MOSMO: variants seen among roughly 807,000 people sequenced by gnomAD.
MOSMO encodes modulator of smoothened protein.
A neutral mutation model predicts 18.4 loss-of-function variants in MOSMO; 5 were observed. That is an observed-to-expected ratio of 0.27 (90% CI 0.14 to 0.57). The LOEUF is 0.57. MOSMO is among the 20% of genes least tolerant of loss of function. The pLI is 0.92. For synonymous variants in MOSMO, 82 were observed against 82.3 expected (o/e 1.00, Z 0.02); for missense variants, 138 against 211.8 (o/e 0.65, Z 2.16).
downstream of MOSMO, chr16:22,090,395 CTT>C (rs1471100568): frequency 1.3e-5 from 2 of 152,088 alleles, no homozygotes; most frequent in Non-Finnish European, 2.9e-5. Context: ...GTTTCTATCT[CTT>C]TTAACTGAAA....
intron 1 of MOSMO, among the ~76,000 whole-genome samples, chr16:22,048,824 A>T (rs1156689145): frequency 1.3e-5 from 2 of 151,802 alleles, no homozygotes; most frequent in Non-Finnish European, 2.9e-5. Flanking sequence ...CCACGTTTAT[A>T]GTTCTCTTTT....
At chr16:22,041,237 G>C (rs1900204315) in intron 1 of MOSMO, among the ~76,000 whole-genome samples, 1 of 152,178 alleles carries the variant, frequency 6.6e-6, no homozygotes, top group South Asian at 2.1e-4. Flanking sequence ...AGACACTGTG[G>C]TGATCTGAGG....
At chr16:22,011,426 T>C (rs886944024) in intron 1 of MOSMO, among the ~76,000 whole-genome samples, 7 of 152,246 alleles carry the variant, frequency 4.6e-5, no homozygotes, top group African/African-American at 1.4e-4. Context: ...CAAAGTATTG[T>C]AATGATGGCT....
chr16:22,012,536 G>C (rs1218953580), intron 1 of MOSMO, among the ~76,000 whole-genome samples: 1 of 152,112 alleles, frequency 6.6e-6, no homozygotes, highest in African/African-American at 2.4e-5. Context: ...CCAGAACTGT[G>C]AGAAATGATG....
At chr16:22,018,919 T>C (rs1425102411) in intron 1 of MOSMO, among the ~76,000 whole-genome samples, 2 of 152,230 alleles carry the variant, frequency 1.3e-5, no homozygotes, top group Non-Finnish European at 2.9e-5. Flanking sequence ...TTTCTCTGTA[T>C]TGCAACTTAC....
chr16:22,078,245 T>G (rs1217095034), intron 2 of MOSMO, among the ~76,000 whole-genome samples: 1 of 152,140 alleles, frequency 6.6e-6, no homozygotes, highest in Non-Finnish European at 1.5e-5. Flanking sequence ...CAAACTTATT[T>G]AGGATCCAAA....
In MOSMO at chr16:22,052,422, G is replaced by A. The variant is rs887550373; in HGVS notation, c.107-23065G>A. ...ACACTGCTGGGAGAAAAGTGAATTC[G>A]GACATAACCCCTTTGGAAAACAATT... On this transcript the variant is annotated intron_variant, in intron 1 of 2. Coordinates refer to ENST00000542527, the MANE Select transcript of MOSMO (RefSeq NM_001164579.2). Among the ~76,000 whole-genome samples, 5 of 152,224 alleles carry A rather than the reference G, an allele frequency of 3.3e-5. No homozygotes were observed. The South Asian group carries it at 1.0e-3, about 32-fold the overall frequency.
chr16:22,030,026 T>G (rs910892404), intron 1 of MOSMO, among the ~76,000 whole-genome samples: 1 of 152,214 alleles, frequency 6.6e-6, no homozygotes, highest in Non-Finnish European at 1.5e-5. Context: ...CATAAATTCA[T>G]GCTTCTCCAC....
downstream of MOSMO, chr16:22,092,479 G>A: frequency 1.2e-6 from 1 of 819,936 alleles, no homozygotes; most frequent in Non-Finnish European, 1.9e-6. Context: ...CCGAGCTGCA[G>A]TGGTGCAGTC....
chr16:22,064,556 C>G (rs1165932791), intron 1 of MOSMO: 1 of 401,448 alleles, frequency 2.5e-6, no homozygotes, highest in Admixed American at 2.7e-5. Context: ...ACCTGACTCA[C>G]TTTGGTTTAT....
intron 1 of MOSMO, among the ~76,000 whole-genome samples, chr16:22,038,952 A>G (rs1900160043): frequency 1.3e-5 from 2 of 152,166 alleles, no homozygotes; most frequent in Admixed American, 6.5e-5. Context: ...GTGCTCTGTA[A>G]TAGACATTGA....
chr16:22,018,310 G>T (rs1190985259), intron 1 of MOSMO, among the ~76,000 whole-genome samples: 1 of 152,124 alleles, frequency 6.6e-6, no homozygotes, highest in East Asian at 1.9e-4. Context: ...TTCACAGTAA[G>T]TTGTTTACCT....
downstream of MOSMO, among the ~76,000 whole-genome samples, chr16:22,086,830 C>T (rs899626308): frequency 6.6e-6 from 1 of 152,136 alleles, no homozygotes; most frequent in Admixed American, 6.5e-5. Context: ...TGGCACAGTG[C>T]TTTACACACT....
At chr16:22,046,899 T>C (rs1900319341) in intron 1 of MOSMO, among the ~76,000 whole-genome samples, 1 of 152,142 alleles carries the variant, frequency 6.6e-6, no homozygotes, top group South Asian at 2.1e-4. Flanking sequence ...TAAATTTTAG[T>C]GAGTAGGCAT....
At chr16:22,089,004 A>G (rs1388687794), downstream of MOSMO, among the ~76,000 whole-genome samples, 2 of 144,456 alleles carry the variant, frequency 1.4e-5, no homozygotes, top group African/African-American at 2.6e-5. Flanking sequence ...TGTTGAGAGA[A>G]AAAAAAAAAA....
At chr16:22,020,695 T>A (rs989073636) in intron 1 of MOSMO, among the ~76,000 whole-genome samples, 3 of 152,224 alleles carry the variant, frequency 2.0e-5, no homozygotes, top group Non-Finnish European at 4.4e-5. Context: ...CACAAGTCCA[T>A]GTTGTAGTTG....
At chr16:22,028,792 T>C (rs1899931629) in intron 1 of MOSMO, among the ~76,000 whole-genome samples, 1 of 152,218 alleles carries the variant, frequency 6.6e-6, no homozygotes. Context: ...ATACTCTACT[T>C]AACCTTCCCT....
At chr16:22,086,610 G>A (rs1901184683), downstream of MOSMO, among the ~76,000 whole-genome samples, 1 of 152,162 alleles carries the variant, frequency 6.6e-6, no homozygotes, top group South Asian at 2.1e-4. Context: ...TAACTTACGT[G>A]AGCCTTGGTT....
chr16:22,076,667 T>C lies in MOSMO; in HGVS notation c.319+968T>C, dbSNP rs573422118. On this transcript the variant is annotated intron_variant, in intron 2 of 2. Transcript: ENST00000542527. ...AATAAATATAACAGCTGACTTTCTC[T>C]TGATATTTTCATTTAGAACGCATAT... Among the ~76,000 whole-genome samples the C allele has an allele frequency of 2.6e-5, 4 of 152,352 alleles. No individual in the cohort carries two copies. The East Asian group carries it at 7.7e-4, about 29-fold the overall frequency.
Sources: allele counts gnomAD v4.1 joint callset (sites outside exome capture counted in the v4.1 genomes callset), GRCh38; gene constraint gnomAD v4.1.1; transcripts MANE v1.5; gene names NCBI Gene and HGNC (gene_info 2026-07-23, HGNC 2026-07-21).